SPMIP10: variants seen among roughly 807,000 people sequenced by gnomAD.
SPMIP10 encodes the protein sperm microtubule inner protein 10.
At chr5:126,632,164 C>G in the SPMIP10 span, among the ~76,000 whole-genome samples, 1 of 146,042 alleles carries the variant, frequency 6.8e-6, no homozygotes, top group African/African-American at 2.6e-5. Flanking sequence ...TTTGAGAGGC[C>G]AAGGTGGGTG....
At chr5:126,633,024 T>TAAATATATATATATATATATAA in the SPMIP10 span, among the ~76,000 whole-genome samples, 5 of 138,890 alleles carry the variant, frequency 3.6e-5, no homozygotes, top group African/African-American at 1.6e-4. Flanking sequence ...TATATATATA[T>TAAATATATATATATATATATAA]ATATATATAA....
At chr5:126,636,042 T>A in the SPMIP10 span, 2 of 1,613,104 alleles carry the variant, frequency 1.2e-6, no homozygotes, top group Non-Finnish European at 8.5e-7. Flanking sequence ...CAAGCAGAAG[T>A]GTGTGGGATC....
the SPMIP10 span, among the ~76,000 whole-genome samples, chr5:126,635,680 C>T: frequency 6.6e-6 from 1 of 152,122 alleles, no homozygotes; most frequent in Non-Finnish European, 1.5e-5. Context: ...TGGGAAACTT[C>T]CATCATTTTT....
At chr5:126,636,272 A>C in the SPMIP10 span, 3 of 1,539,798 alleles carry the variant, frequency 1.9e-6, no homozygotes, top group Non-Finnish European at 2.7e-6. Context: ...AAAGTGTTTC[A>C]ATCTCTGCTC....
chr5:126,635,947 C>G, the SPMIP10 span: 1 of 1,165,530 alleles, frequency 8.6e-7, no homozygotes, highest in Non-Finnish European at 1.3e-6. Flanking sequence ...CAGGCATGAG[C>G]CATGGCTCCT....
the SPMIP10 span, among the ~76,000 whole-genome samples, chr5:126,633,678 A>G: frequency 6.6e-6 from 1 of 151,940 alleles, no homozygotes; most frequent in Non-Finnish European, 1.5e-5. Context: ...TTATTTATTT[A>G]GAGACAGGAT....
chr5:126,631,733 G>A, the SPMIP10 span: 1 of 1,599,702 alleles, frequency 6.3e-7, no homozygotes, highest in East Asian at 2.2e-5. Flanking sequence ...TTGCTGTCAG[G>A]AATGGCTTCA....
chr5:126,632,650 TGAAG>T, the SPMIP10 span: 1 of 1,563,338 alleles, frequency 6.4e-7, no homozygotes, highest in Non-Finnish European at 8.8e-7. Context: ...AATGTGAATC[TGAAG>T]GTATTTCCCC....
the SPMIP10 span, among the ~76,000 whole-genome samples, chr5:126,635,171 A>AATATATATATATATATAT: frequency 1.4e-3 from 196 of 140,172 alleles, 1 homozygote; most frequent in Middle Eastern, 7.4e-3. Context: ...CCGTCTGTGA[A>AATATATATATATATATAT]ATATATATAT....
chr5:126,635,168 T>A, the SPMIP10 span, among the ~76,000 whole-genome samples: 68 of 97,732 alleles, frequency 7.0e-4, 1 homozygote, highest in Admixed American at 6.4e-3. Flanking sequence ...GCCCCGTCTG[T>A]GAAATATATA....
the SPMIP10 span, among the ~76,000 whole-genome samples, chr5:126,632,271 A>C: frequency 6.9e-4 from 102 of 148,176 alleles, no homozygotes; most frequent in African/African-American, 2.4e-3. Flanking sequence ...AAAAAAAAAA[A>C]AAAAAAAAAA....
the SPMIP10 span, among the ~76,000 whole-genome samples, chr5:126,635,439 C>T: frequency 6.6e-6 from 1 of 151,984 alleles, no homozygotes; most frequent in Non-Finnish European, 1.5e-5. Flanking sequence ...TTAATATTCC[C>T]ATTTTATATT....
the SPMIP10 span, among the ~76,000 whole-genome samples, chr5:126,633,885 C>G: frequency 6.6e-6 from 1 of 151,856 alleles, no homozygotes; most frequent in South Asian, 2.1e-4. Context: ...GGCTGGTCTC[C>G]TGGGCCCAAG....
chr5:126,633,865 A>C, the SPMIP10 span, among the ~76,000 whole-genome samples: 1 of 140,454 alleles, frequency 7.1e-6, no homozygotes, highest in Non-Finnish European at 1.5e-5. Context: ...GATCTCTACT[A>C]TGTGGTCCAG....
At chr5:126,635,171 AAT>A in the SPMIP10 span, among the ~76,000 whole-genome samples, 1,603 of 139,958 alleles carry the variant, frequency 0.011, 21 homozygotes, top group African/African-American at 0.034. Flanking sequence ...CCGTCTGTGA[AAT>A]ATATATATAT....
the SPMIP10 span, among the ~76,000 whole-genome samples, chr5:126,633,024 T>TATATATATATATATATAA: frequency 4.9e-4 from 68 of 138,868 alleles, no homozygotes; most frequent in African/African-American, 2.1e-3. Flanking sequence ...TATATATATA[T>TATATATATATATATATAA]ATATATATAA....
At chr5:126,632,503 G>T in the SPMIP10 span, 2 of 1,099,238 alleles carry the variant, frequency 1.8e-6, no homozygotes, top group Non-Finnish European at 2.8e-6. Context: ...TAAAATGATT[G>T]TATTTGGCTC....
At chr5:126,636,168 T>G in the SPMIP10 span, 10 of 1,614,140 alleles carry the variant, frequency 6.2e-6, no homozygotes, top group South Asian at 1.1e-4. Context: ...ATTGCAGATA[T>G]GCCTTTGCAT....
chr5:126,634,248 A>G, the SPMIP10 span, among the ~76,000 whole-genome samples: 1 of 152,150 alleles, frequency 6.6e-6, no homozygotes, highest in African/African-American at 2.4e-5. Flanking sequence ...CCTGGCCAAC[A>G]TGGTGAAACC....
Sources: gnomAD v4.1 joint callset for allele counts (sites outside exome capture counted in the v4.1 genomes callset) on GRCh38, gnomAD v4.1.1 for gene constraint, MANE v1.5 for transcripts, NCBI Gene and HGNC (gene_info 2026-07-23, HGNC 2026-07-21) for gene names.